VTA1: variants seen among roughly 807,000 people sequenced by gnomAD.
VTA1 encodes the protein vacuolar protein sorting-associated protein VTA1 homolog.
VTA1 carries 24 observed loss-of-function variants against 36.9 expected under a neutral mutation model. The observed-to-expected ratio is 0.65, with a 90% confidence interval of 0.47 to 0.91. The LOEUF is 0.91. Ranked by LOEUF, VTA1 falls within the 40% of genes least tolerant of loss-of-function variation. The probability of loss-of-function intolerance (pLI) is 0.00; values close to 1 mark genes in which losing one functional copy is unlikely to be tolerated. For synonymous variants in VTA1, 142 were observed against 130.2 expected, an observed-to-expected ratio of 1.09 and a Z score of -0.62; for missense variants, 393 against 377.2, an observed-to-expected ratio of 1.04 and a Z score of -0.35.
At chr6:142,167,364 TCTC>T (rs1358789707) in intron 2 of VTA1, among the ~76,000 whole-genome samples, 1 of 152,322 alleles carries the variant, frequency 6.6e-6, no homozygotes, top group East Asian at 1.9e-4. Flanking sequence ...CATTAATTCA[TCTC>T]CTCCAAGACT....
intron 7 of VTA1, among the ~76,000 whole-genome samples, chr6:142,210,323 T>C (rs1357054330): frequency 2.0e-5 from 3 of 152,166 alleles, no homozygotes; most frequent in Non-Finnish European, 4.4e-5. Context: ...ATGAAACTTA[T>C]AGAAGAAAAC....
At chr6:142,208,709 C>A (rs749142022) in intron 7 of VTA1, among the ~76,000 whole-genome samples, 3 of 152,084 alleles carry the variant, frequency 2.0e-5, no homozygotes, top group Non-Finnish European at 2.9e-5. Flanking sequence ...TAGCATATAA[C>A]AGAGCTCCAA....
At chr6:142,195,595 CTTTT>C (rs72442499) in intron 5 of VTA1, among the ~76,000 whole-genome samples, 1 of 70,690 alleles carries the variant, frequency 1.4e-5, no homozygotes, top group African/African-American at 5.0e-5. Flanking sequence ...GTTTAATTTG[CTTTT>C]TTTTTTTTTT....
intron 2 of VTA1, among the ~76,000 whole-genome samples, chr6:142,168,806 G>A (rs1181056103): frequency 5.4e-5 from 8 of 147,844 alleles, no homozygotes; most frequent in Admixed American, 1.4e-4. Context: ...TCGCTCATTC[G>A]CCCAGGCTGG....
chr6:142,163,834 G>A (rs908824558), intron 1 of VTA1, among the ~76,000 whole-genome samples: 2 of 151,932 alleles, frequency 1.3e-5, no homozygotes, highest in African/African-American at 4.8e-5. Context: ...ATACAAATCT[G>A]CAATATGTTA....
chr6:142,206,193 T>G lies in VTA1; in HGVS notation c.778+2128T>G, dbSNP rs978434922. ...ATCAATCAAAAAATACACTTAGAAC[T>G]GATAAGCAATTGTAACTGGATTGCA... is the stretch of plus-strand genomic sequence containing the variant. On this transcript the variant is annotated intron_variant, in intron 7 of 7. Transcript: ENST00000367630. Among the ~76,000 whole-genome samples the G allele has an allele frequency of 2.0e-5, 3 of 152,220 alleles. No homozygotes were observed. In the East Asian group the frequency reaches 5.8e-4, roughly 29 times the overall value.
At chr6:142,175,285 T>C (rs982993125) in intron 4 of VTA1, among the ~76,000 whole-genome samples, 3 of 151,914 alleles carry the variant, frequency 2.0e-5, no homozygotes, top group Non-Finnish European at 4.4e-5. Context: ...AAGTCCAAGC[T>C]CCTCTGTCAG....
In VTA1 at chr6:142,169,064, C is replaced by T. The variant is rs112303862; in HGVS notation, c.208-486C>T. Among the ~76,000 whole-genome samples the T allele has an allele frequency of 2.3e-3, 357 of 152,018 alleles. 4 individuals carry two copies. The highest frequency in any genetic ancestry group is 8.1e-3 in the African/African-American group (335 of 41,432). ...GATTACGAGTGTGAACCACTGTGCC[C>T]GGCCGAGAGATATTATTTTACGACA... On this transcript the variant is annotated intron_variant, in intron 2 of 7. Coordinates refer to ENST00000367630, the MANE Select transcript of VTA1 (RefSeq NM_016485.5).
intron 7 of VTA1, among the ~76,000 whole-genome samples, chr6:142,212,875 C>G (rs1469614595): frequency 6.6e-6 from 1 of 152,162 alleles, no homozygotes; most frequent in Non-Finnish European, 1.5e-5. Context: ...ATCCAGTTAC[C>G]TCTCTCCAGG....
At chr6:142,202,361 T>G (rs942200655) in intron 6 of VTA1, among the ~76,000 whole-genome samples, 1 of 151,958 alleles carries the variant, frequency 6.6e-6, no homozygotes, top group Non-Finnish European at 1.5e-5. Context: ...TATATTCATA[T>G]ACACAGTATA....
chr6:142,151,790 T>G (rs1399738733), intron 1 of VTA1, among the ~76,000 whole-genome samples: 1 of 152,198 alleles, frequency 6.6e-6, no homozygotes, highest in African/African-American at 2.4e-5. Flanking sequence ...TCCCAGCACT[T>G]TGGGAGGCTG....
At chr6:142,195,684 C>T (rs547573280) in intron 5 of VTA1, among the ~76,000 whole-genome samples, 3 of 132,188 alleles carry the variant, frequency 2.3e-5, no homozygotes, top group Non-Finnish European at 4.7e-5. Context: ...TAATTTAAAT[C>T]TATCTTTCAG....
intron 4 of VTA1, among the ~76,000 whole-genome samples, chr6:142,175,518 G>T (rs1775105008): frequency 6.6e-6 from 1 of 151,888 alleles, no homozygotes; most frequent in Non-Finnish European, 1.5e-5. Flanking sequence ...TGTATTTAGA[G>T]TTCTAACTTT....
intron 4 of VTA1, among the ~76,000 whole-genome samples, chr6:142,175,129 C>T (rs754640828): frequency 9.9e-5 from 15 of 152,136 alleles, no homozygotes; most frequent in Non-Finnish European, 1.6e-4. Flanking sequence ...ACTTAAAATT[C>T]CATCCCTTTT....
intron 7 of VTA1, among the ~76,000 whole-genome samples, chr6:142,205,840 A>T (rs934453260): frequency 1.3e-5 from 2 of 152,144 alleles, no homozygotes; most frequent in East Asian, 3.8e-4. Context: ...TTTTGATATT[A>T]TACAAGAAAT....
intron 2 of VTA1, 53 bp from the exon 3 acceptor site, chr6:142,169,497 T>C: frequency 6.5e-7 from 1 of 1,544,662 alleles, no homozygotes. Context: ...TGTAATTAAG[T>C]CAACACTTCT....
chr6:142,171,713 G>A (rs1233899424), intron 4 of VTA1, among the ~76,000 whole-genome samples: 1 of 152,120 alleles, frequency 6.6e-6, no homozygotes, highest in Non-Finnish European at 1.5e-5. Flanking sequence ...AAAAGGAAGA[G>A]TTATAAATGA....
chr6:142,179,167 G>A (rs1211909721), intron 4 of VTA1, among the ~76,000 whole-genome samples: 1 of 151,992 alleles, frequency 6.6e-6, no homozygotes, highest in African/African-American at 2.4e-5. Flanking sequence ...ATTAGTCATC[G>A]ATAGAATAAT....
rs760126022 is a variant in VTA1, at chr6:142,221,789, CAT to C, written c.*3148_*3149del. 2.0e-5 allele frequency: 3 copies of C among 147,514 alleles called. No homozygotes were observed. Among genetic ancestry groups the C allele is most frequent in the African/African-American group, 7.4e-5 (3 of 40,582 alleles). The allele number at this position is 147,514 out of a possible 1,614,324, so 9.1% of individuals were successfully genotyped here. A position where few individuals can be genotyped will look rare whatever the true frequency, so the allele number is the denominator to read the frequency against. ...TATAAATATGTATTTATATATAAAT[CAT>C]AAATATATTAATAAATATATAATAT... is the stretch of plus-strand genomic sequence containing the variant. On this transcript the variant is annotated 3_prime_UTR_variant, in exon 8 of 8. Coordinates refer to ENST00000367630, the MANE Select transcript of VTA1 (RefSeq NM_016485.5).
Sources: allele counts gnomAD v4.1 joint callset (sites outside exome capture counted in the v4.1 genomes callset), GRCh38; gene constraint gnomAD v4.1.1; transcripts MANE v1.5; gene names NCBI Gene and HGNC (gene_info 2026-07-23, HGNC 2026-07-21).